AKR1C3: variants seen among roughly 807,000 people sequenced by gnomAD.
AKR1C3 encodes aldo-keto reductase family 1 member C3, also known as 3-alpha hydroxysteroid dehydrogenase, type II.
Under a neutral mutation model 43.6 loss-of-function variants are expected in AKR1C3, and 48 were observed. That is an observed-to-expected ratio of 1.10 (90% CI 0.87 to 1.40). The LOEUF (loss-of-function observed/expected upper bound fraction) is 1.40. Ranked by LOEUF, AKR1C3 falls within the 40% of genes most tolerant of loss-of-function variation. AKR1C3 has a pLI of 0.00. For synonymous variants in AKR1C3, 162 were observed against 139.6 expected (o/e 1.16, Z -1.13); for missense variants, 482 against 391.2 (o/e 1.23, Z -1.96).
chr10:5,085,037 ACTT>A (rs1330330237), intron 1 of AKR1C3, among the ~76,000 whole-genome samples: 1 of 152,046 alleles, frequency 6.6e-6, no homozygotes, highest in African/African-American at 2.4e-5. Flanking sequence ...GGACAATTTG[ACTT>A]CTTCTTTTCC....
At chr10:5,080,964 T>C (rs1442888471) in intron 1 of AKR1C3, 2 of 151,520 alleles carry the variant, frequency 1.3e-5, no homozygotes, top group Non-Finnish European at 2.9e-5. Flanking sequence ...CAAGGGACTT[T>C]TGGCAGATAG....
rs575984704 is a variant in AKR1C3 at position 5,096,449 on chromosome 10, A to G, written c.124A>G (p.Ile42Val). The G allele has an allele frequency of 5.6e-6, 9 of 1,613,722 alleles. No individual in the cohort carries two copies. The highest frequency in any genetic ancestry group is 4.5e-5 in the East Asian group (2 of 44,882). The change falls in exon 2 of 9, where the codon ATA becomes GTA. Residue 42 changes from isoleucine to valine, a missense_variant. Transcript: ENST00000380554. Reference protein sequence around the residue: ...SKALEVTKLAIEAGFRHIDSA... With the variant: ...SKALEVTKLAVEAGFRHIDSA... The stretch of plus-strand genomic sequence containing the variant: ...AGCTTTGGAGGTCACAAAATTAGCA[A>G]TAGAAGCTGGGTTCCGCCATATAGA...
chr10:5,058,191 A>G (rs1838303760), intron 1 of AKR1C3, among the ~76,000 whole-genome samples: 1 of 152,140 alleles, frequency 6.6e-6, no homozygotes, highest in Non-Finnish European at 1.5e-5. Flanking sequence ...TAGGATCTGG[A>G]GGTAAGCTGA....
chr10:5,071,531 C>CT (rs1457700872), intron 1 of AKR1C3, among the ~76,000 whole-genome samples: 1 of 152,182 alleles, frequency 6.6e-6, no homozygotes, highest in African/African-American at 2.4e-5. Flanking sequence ...CTTGAACAGA[C>CT]TTTCCCCAGG....
At chr10:5,069,743 A>G (rs924392188) in intron 1 of AKR1C3, among the ~76,000 whole-genome samples, 1 of 152,088 alleles carries the variant, frequency 6.6e-6, no homozygotes, top group Non-Finnish European at 1.5e-5. Context: ...GCATGGTGGC[A>G]GGCACCTGTA....
rs188215677 is a variant in AKR1C3, at chr10:5,078,118, T to A, written c.85-18292T>A. On this transcript the variant is annotated intron_variant, in intron 1 of 8. Coordinates refer to the AKR1C3 transcript ENST00000439082. ...TCTTTTGTTTCCAAAGTCAACATAC[T>A]AGAGTGATTCAAAAATAATAATAAG... 2,329 of 535,180 alleles carry A rather than the reference T, an allele frequency of 4.4e-3. 14 individuals are homozygous for A. Among genetic ancestry groups the A allele is most frequent in the Non-Finnish European group, 6.1e-3 (1,880 of 309,464 alleles). The allele number at this position is 535,180 out of a possible 1,614,324, so 33.2% of individuals were successfully genotyped here. A position where few individuals can be genotyped will look rare whatever the true frequency, so the allele number is the denominator to read the frequency against.
chr10:5,069,025 G>C (rs1838565409), intron 1 of AKR1C3, among the ~76,000 whole-genome samples: 1 of 152,086 alleles, frequency 6.6e-6, no homozygotes, highest in Non-Finnish European at 1.5e-5. Context: ...GATTACTCAA[G>C]TCACATGAAC....
chr10:5,078,636 T>G (rs955420497), intron 1 of AKR1C3, among the ~76,000 whole-genome samples: 1 of 152,166 alleles, frequency 6.6e-6, no homozygotes, highest in African/African-American at 2.4e-5. Flanking sequence ...GTCCGACATA[T>G]TCCTCAATAT....
intron 5 of AKR1C3, among the ~76,000 whole-genome samples, chr10:5,100,977 TATAGACCTAA>T (rs1839335572): frequency 6.6e-6 from 1 of 152,230 alleles, no homozygotes; most frequent in South Asian, 2.1e-4. Flanking sequence ...AATTCACCTC[TATAGACCTAA>T]ATAAAGTATG....
At position 5,085,945 on chromosome 10, in the gene AKR1C3, G is replaced by A. The variant is rs1172763570; in HGVS notation, c.85-10465G>A. On this transcript the variant is annotated intron_variant, in intron 1 of 8. Transcript: ENST00000439082. ...TATCCCCTTTATCATTTTTTATTGC[G>A]TCTATTTGATTCTTCTCTCTTTTCT... 1.4e-3 allele frequency among the ~76,000 whole-genome samples: 209 copies of A among 151,674 alleles called. 3 individuals are homozygous for A. Among genetic ancestry groups the A allele is most frequent in the African/African-American group, 4.6e-3 (189 of 41,144 alleles).
chr10:5,100,153 G>T (rs1839312215), intron 5 of AKR1C3, among the ~76,000 whole-genome samples: 1 of 152,142 alleles, frequency 6.6e-6, no homozygotes, highest in Non-Finnish European at 1.5e-5. Flanking sequence ...AATTAGCTGA[G>T]TTTGGTGGCA....
At chr10:5,099,138 A>AGGCAGCAAGAGTAAG (rs1434185330) in intron 4 of AKR1C3, among the ~76,000 whole-genome samples, 189 bp from the exon 5 acceptor site, 14 of 152,226 alleles carry the variant, frequency 9.2e-5, no homozygotes, top group Non-Finnish European at 1.9e-4. Flanking sequence ...GAAGAGATAG[A>AGGCAGCAAGAGTAAG]AATTCTTACT....
chr10:5,070,883 T>C (rs1554781270), intron 1 of AKR1C3, among the ~76,000 whole-genome samples: 2 of 152,186 alleles, frequency 1.3e-5, no homozygotes, highest in Non-Finnish European at 2.9e-5. Flanking sequence ...CTGCAGTCTT[T>C]TGTTATAGCA....
upstream of AKR1C3, among the ~76,000 whole-genome samples, chr10:5,090,858 C>T (rs1263213514): frequency 6.6e-6 from 1 of 151,978 alleles, no homozygotes; most frequent in Non-Finnish European, 1.5e-5. Context: ...ACTGTTCTGT[C>T]CTAGAAGTCA....
In AKR1C3 at chr10:5,098,789, G is replaced by A. The variant is rs547513650; in HGVS notation, c.370-13G>A. 1 of 1,611,048 alleles carries A rather than the reference G, an allele frequency of 6.2e-7. No homozygotes were observed. The highest frequency in any genetic ancestry group is 1.1e-5 in the South Asian group (1 of 90,738). On this transcript the variant is annotated splice_polypyrimidine_tract_variant and intron_variant, in intron 3 of 8. Transcript: ENST00000380554. The stretch of plus-strand genomic sequence containing the variant: ...AATTTGTGACATCATTAAAATGACT[G>A]CTTCTATTTCAGCCAGGTGAGGAAC...
chr10:5,086,673 G>A (rs1396039653), intron 1 of AKR1C3, among the ~76,000 whole-genome samples: 1 of 152,092 alleles, frequency 6.6e-6, no homozygotes, highest in African/African-American at 2.4e-5. Context: ...GTTGACAGTG[G>A]GGTGTTAAAG....
At chr10:5,078,376 G>A (rs1336962604) in intron 1 of AKR1C3, among the ~76,000 whole-genome samples, 2 of 152,170 alleles carry the variant, frequency 1.3e-5, no homozygotes, top group African/African-American at 2.4e-5. Context: ...CCTGGGAGGC[G>A]GACGTTGCAG....
chr10:5,087,135 G>A lies in AKR1C3; in HGVS notation c.85-9275G>A, dbSNP rs550633125. Reference sequence around the variant, plus strand: ...ATGATGTTAGCTGGTTATTTTGCTCGATAGTTGATGCAGTTTCTTCCTAGC... The same window carrying A: ...ATGATGTTAGCTGGTTATTTTGCTCAATAGTTGATGCAGTTTCTTCCTAGC... On this transcript the variant is annotated intron_variant, in intron 1 of 8. Transcript: ENST00000439082. Among the ~76,000 whole-genome samples the A allele has an allele frequency of 5.3e-5, 8 of 152,206 alleles. No individual in the cohort carries two copies. The East Asian group carries it at 1.5e-3, about 29-fold the overall frequency.
At chr10:5,055,628 T>A (rs1227415275) in intron 1 of AKR1C3, among the ~76,000 whole-genome samples, 4 of 152,206 alleles carry the variant, frequency 2.6e-5, no homozygotes, top group Non-Finnish European at 5.9e-5. Context: ...TGTGGGGTTG[T>A]CCCACGAGTC....
Sources: allele counts gnomAD v4.1 joint callset (sites outside exome capture counted in the v4.1 genomes callset), GRCh38; gene constraint gnomAD v4.1.1; transcripts MANE v1.5; gene names NCBI Gene and HGNC (gene_info 2026-07-23, HGNC 2026-07-21).